GOLGA4: variants seen among roughly 807,000 people sequenced by gnomAD.
GOLGA4 encodes golgin A4.
A neutral mutation model predicts 265.9 loss-of-function variants in GOLGA4; 169 were observed. The ratio of observed to expected loss-of-function variants is 0.64; its 90% CI spans 0.56 to 0.72. The LOEUF (loss-of-function observed/expected upper bound fraction) is 0.72. Among genes scored for constraint, GOLGA4 ranks in the 30% least tolerant of loss-of-function variants. The pLI is 0.00. For missense variants in GOLGA4, 2,482 were observed against 2,483.4 expected, an observed-to-expected ratio of 1.00 and a Z score of 0.01; for synonymous variants, 923 against 855.8, an observed-to-expected ratio of 1.08 and a Z score of -1.37.
In GOLGA4 at chr3:37,325,347, AAG is replaced by A; in HGVS notation, c.3464_3465del (p.Glu1155AlafsTer4). The A allele has an allele frequency of 6.2e-7, 1 of 1,613,578 alleles. No homozygotes were observed. Among genetic ancestry groups the A allele is most frequent in the Non-Finnish European group, 8.5e-7 (1 of 1,179,608 alleles). On this transcript the variant is annotated frameshift_variant, in exon 14 of 24. Transcript: ENST00000361924. LOFTEE classifies it high-confidence loss of function. Reference sequence around the variant, plus strand: ...TCTCTGAAGGAAAATACTTTTCTTCAAGAGCAGCTAGTTGAACTGAAGATGCT... The same window carrying A: ...TCTCTGAAGGAAAATACTTTTCTTCAAGCAGCTAGTTGAACTGAAGATGCT...
intron 21 of GOLGA4, among the ~76,000 whole-genome samples, chr3:37,352,599 T>C (rs1019437627): frequency 6.6e-6 from 1 of 152,046 alleles, no homozygotes; most frequent in African/African-American, 2.4e-5. Flanking sequence ...GAACCGGTCT[T>C]TTAGCTTTAA....
intron 11 of GOLGA4, among the ~76,000 whole-genome samples, chr3:37,317,131 T>A (rs2096939906): frequency 6.6e-6 from 1 of 152,176 alleles, no homozygotes; most frequent in Non-Finnish European, 1.5e-5. Flanking sequence ...ATATTTAGAT[T>A]GTTTTCAGTT....
At chr3:37,270,404 G>C (rs916607962) in intron 2 of GOLGA4, among the ~76,000 whole-genome samples, 8 of 151,588 alleles carry the variant, frequency 5.3e-5, no homozygotes, top group Admixed American at 4.6e-4. Context: ...TTTTAGTAGA[G>C]ATGGGGTTTC....
intron 1 of GOLGA4, among the ~76,000 whole-genome samples, chr3:37,250,816 A>G (rs879700774): frequency 2.6e-5 from 4 of 152,144 alleles, no homozygotes; most frequent in Non-Finnish European, 5.9e-5. Context: ...CAGGCTGTCA[A>G]TTACAGAGCT....
chr3:37,265,117 T>C (rs1194931424), intron 2 of GOLGA4, among the ~76,000 whole-genome samples: 4 of 147,550 alleles, frequency 2.7e-5, no homozygotes, highest in Admixed American at 1.4e-4. Context: ...CATGCTCATA[T>C]TGTGTGTGTG....
In GOLGA4 at chr3:37,323,652, A is replaced by G. The variant is rs758209476; in HGVS notation, c.1766A>G (p.Asp589Gly). 3.8e-6 allele frequency: 6 copies of G among 1,591,582 alleles called. No individual in the cohort carries two copies. Among genetic ancestry groups the G allele is most frequent in the South Asian group, 1.2e-5 (1 of 85,668 alleles). ...SLQENKNQSKDLAVHLEAEKN... is the reference protein window; with the variant it reads ...SLQENKNQSKGLAVHLEAEKN... Reference sequence around the variant, plus strand: ...CAAGAAAACAAAAATCAGTCAAAAGATTTGGCTGTTCATCTGGAAGCTGAA... The same window carrying G: ...CAAGAAAACAAAAATCAGTCAAAAGGTTTGGCTGTTCATCTGGAAGCTGAA... The change falls in exon 14 of 24, where the codon GAT (aspartate) becomes GGT (glycine). Residue 589 changes from aspartate to glycine, a missense_variant. Physicochemically the swap from Asp to Gly is moderately conservative, Grantham distance 94. Transcript: ENST00000361924.
At chr3:37,322,969 C>T (rs932142821) in intron 13 of GOLGA4, among the ~76,000 whole-genome samples, 2 of 151,976 alleles carry the variant, frequency 1.3e-5, no homozygotes, top group African/African-American at 4.8e-5. Flanking sequence ...CCAGAAGTTA[C>T]TGTTATGAAT....
At chr3:37,348,033 TTGTCTGTGTGCCG>T (rs995871640) in intron 21 of GOLGA4, among the ~76,000 whole-genome samples, 1 of 152,198 alleles carries the variant, frequency 6.6e-6, no homozygotes, top group African/African-American at 2.4e-5. Flanking sequence ...GGAATTTTAA[TTGTCTGTGTGCCG>T]TGGCTGAGAA....
chr3:37,337,170 C>A lies in GOLGA4; in HGVS notation c.6327+7C>A. ...AACAATTATGGAGCTACAGGTAAGG[C>A]TAGTTCTTCTTTTTTTTTTTTTCTT... On this transcript the variant is annotated splice_region_variant and intron_variant, in intron 18 of 23. Transcript: ENST00000361924. 1 of 1,390,586 alleles carries A rather than the reference C, an allele frequency of 7.2e-7. No individual in the cohort carries two copies. Among genetic ancestry groups the A allele is most frequent in the Non-Finnish European group, 1.0e-6 (1 of 1,003,172 alleles). The allele number at this position is 1,390,586 out of a possible 1,614,324, so 86.1% of individuals were successfully genotyped here.
chr3:37,305,833 G>A (rs183981211), intron 10 of GOLGA4, among the ~76,000 whole-genome samples: 328 of 152,238 alleles, frequency 2.2e-3, no homozygotes, highest in African/African-American at 7.6e-3. Context: ...GTGAATATTA[G>A]TAGACAAATC....
At chr3:37,300,572 C>T (rs919678239) in intron 9 of GOLGA4, among the ~76,000 whole-genome samples, 5 of 152,140 alleles carry the variant, frequency 3.3e-5, no homozygotes, top group East Asian at 1.9e-4. Flanking sequence ...CCCACCACCC[C>T]GCTTCAACAG....
At chr3:37,344,119 C>T (rs754973551) in intron 20 of GOLGA4, among the ~76,000 whole-genome samples, 11 of 152,178 alleles carry the variant, frequency 7.2e-5, no homozygotes, top group Non-Finnish European at 1.3e-4. Context: ...CTAACTGAAA[C>T]TGGTCAGTGT....
In GOLGA4 at chr3:37,361,327, G is replaced by A; in HGVS notation, c.*33+22G>A. On this transcript the variant is annotated intron_variant, in intron 23 of 23. Coordinates refer to ENST00000361924, the MANE Select transcript of GOLGA4 (RefSeq NM_002078.5). ...TGTGGTGAGTGAAGAACAATGTCTT[G>A]TGTCTTTTGTGCAAAAATCAAATGT... 2.6e-6 allele frequency: 4 copies of A among 1,567,922 alleles called. No individual in the cohort carries two copies. In the South Asian group the frequency reaches 3.3e-5, roughly 13 times the overall value.
At chr3:37,274,051 G>C (rs1312178628) in intron 2 of GOLGA4, among the ~76,000 whole-genome samples, 2 of 144,824 alleles carry the variant, frequency 1.4e-5, no homozygotes, top group Non-Finnish European at 3.0e-5. Context: ...CATGAGCTGA[G>C]TTTGTGCCAC....
chr3:37,251,194 G>A (rs955734258), intron 1 of GOLGA4, among the ~76,000 whole-genome samples: 12 of 152,102 alleles, frequency 7.9e-5, no homozygotes, highest in African/African-American at 2.9e-4. Flanking sequence ...CTAGTTGGTG[G>A]CAGAGTTAGG....
Position 37,329,062 on chromosome 3 carries a change from G to T in GOLGA4, c.6161G>T (p.Arg2054Leu), listed in dbSNP as rs549464675. The change falls in exon 16 of 24, where the codon CGA becomes CTA. Residue 2054 changes from arginine to leucine, a missense_variant. This residue lies in a region of GOLGA4 where 942 missense variants were observed against 983.1 expected (regional missense o/e 0.96). Transcript: ENST00000361924. ...KIAEKDDDLKRTAKRYEEILD... is the reference protein window; with the variant it reads ...KIAEKDDDLKLTAKRYEEILD... Reference sequence around the variant, plus strand: ...GCTGAGAAAGATGATGATCTAAAACGAACAGCCAAAAGATATGAAGAAATC... The same window carrying T: ...GCTGAGAAAGATGATGATCTAAAACTAACAGCCAAAAGATATGAAGAAATC... 1 of 1,609,412 alleles carries T rather than the reference G, an allele frequency of 6.2e-7. No homozygotes were observed. The highest frequency in any genetic ancestry group is 1.3e-5 in the African/African-American group (1 of 74,762).
chr3:37,254,929 T>A (rs1485910185), intron 2 of GOLGA4, among the ~76,000 whole-genome samples: 1 of 148,518 alleles, frequency 6.7e-6, no homozygotes, highest in Non-Finnish European at 1.5e-5. Flanking sequence ...TTATATATAT[T>A]TTAAATTAAC....
chr3:37,365,768 C>T (rs375112625), intron 23 of GOLGA4, among the ~76,000 whole-genome samples: 1 of 151,010 alleles, frequency 6.6e-6, no homozygotes, highest in Non-Finnish European at 1.5e-5. Flanking sequence ...TTAGAAGATA[C>T]CTTTAAGATT....
At chr3:37,299,069 C>T (rs755089901) in intron 8 of GOLGA4, 49 bp downstream of exon 8, 1 of 1,397,592 alleles carries the variant, frequency 7.2e-7, no homozygotes, top group South Asian at 1.4e-5. Context: ...AAAGTTAGAT[C>T]CACAGGCTCC....
Sources: allele counts gnomAD v4.1 joint callset (sites outside exome capture counted in the v4.1 genomes callset), GRCh38; gene constraint gnomAD v4.1.1; regional missense constraint gnomAD v4.1.1; transcripts MANE v1.5; gene names NCBI Gene and HGNC (gene_info 2026-07-23, HGNC 2026-07-21).